FSTL5: variants seen among roughly 807,000 people sequenced by gnomAD.
The protein encoded by FSTL5 is follistatin-related protein 5.
FSTL5 carries 62 observed loss-of-function variants against 89.1 expected under a neutral mutation model. The observed-to-expected ratio is 0.70, with a 90% CI of 0.57 to 0.86. The LOEUF is 0.86. FSTL5 is among the 40% of genes least tolerant of loss of function. FSTL5 has a pLI of 0.00. For missense variants in FSTL5, 1,057 were observed against 1,001.6 expected, an observed-to-expected ratio of 1.06 and a Z score of -0.75; for synonymous variants, 383 against 346.2, an observed-to-expected ratio of 1.11 and a Z score of -1.18.
chr4:161,436,660 T>C (rs1324959050), intron 15 of FSTL5, among the ~76,000 whole-genome samples: 1 of 152,188 alleles, frequency 6.6e-6, no homozygotes, highest in African/African-American at 2.4e-5. Context: ...ACAGTATTCA[T>C]TAAAATGTAG....
intron 6 of FSTL5, among the ~76,000 whole-genome samples, chr4:161,704,005 C>A (rs1038481751): frequency 6.6e-6 from 1 of 152,116 alleles, no homozygotes; most frequent in Non-Finnish European, 1.5e-5. Context: ...TTAACAACCT[C>A]TTGTGAAATA....
chr4:161,822,611 C>G (rs1034753618), intron 4 of FSTL5, among the ~76,000 whole-genome samples: 6 of 152,194 alleles, frequency 3.9e-5, no homozygotes, highest in African/African-American at 4.8e-5. Flanking sequence ...GAGGGTGTCA[C>G]AGCCCTGGCC....
chr4:161,610,310 T>G (rs1472370651), intron 7 of FSTL5, among the ~76,000 whole-genome samples: 1 of 152,146 alleles, frequency 6.6e-6, no homozygotes, highest in Non-Finnish European at 1.5e-5. Context: ...ATCACAAAAC[T>G]GTAGTCTTTA....
chr4:161,838,423 CA>C (rs1226022019), intron 4 of FSTL5, among the ~76,000 whole-genome samples: 1 of 152,124 alleles, frequency 6.6e-6, no homozygotes, highest in African/African-American at 2.4e-5. Context: ...ACTGGGACTA[CA>C]GGCACCCACC....
intron 2 of FSTL5, among the ~76,000 whole-genome samples, chr4:162,103,488 C>T (rs1731084681): frequency 6.6e-6 from 1 of 152,170 alleles, no homozygotes; most frequent in Non-Finnish European, 1.5e-5. Context: ...CTCCATGGGT[C>T]TCTAATAATT....
At chr4:161,921,527 A>G (rs1733995532) in intron 3 of FSTL5, among the ~76,000 whole-genome samples, 1 of 152,158 alleles carries the variant, frequency 6.6e-6, no homozygotes, top group Non-Finnish European at 1.5e-5. Flanking sequence ...ATATGTATAC[A>G]CATGTATACA....
At chr4:162,034,540 G>T (rs1472839324) in intron 2 of FSTL5, among the ~76,000 whole-genome samples, 1 of 152,088 alleles carries the variant, frequency 6.6e-6, no homozygotes, top group Admixed American at 6.6e-5. Context: ...ATTAGTTACC[G>T]GGCAACCCCA....
Position 161,385,900 on chromosome 4 carries a change from GT to G in FSTL5, c.2390del (p.Asn797ThrfsTer14). On this transcript the variant is annotated frameshift_variant, in exon 16 of 16. Coordinates refer to ENST00000306100, the MANE Select transcript of FSTL5 (RefSeq NM_020116.5). LOFTEE classifies it high-confidence loss of function. ...ACAAGCCACTGTCCTGGATTTGCCTGTTTTTCCGGTTCCAAGGCCATTCTTC... is the reference window on the plus strand; with the variant it reads ...ACAAGCCACTGTCCTGGATTTGCCTGTTTTCCGGTTCCAAGGCCATTCTTC... ...KAEEWPWNRK[N>X]RQIQDSGLFG... The G allele has an allele frequency of 6.2e-7, 1 of 1,613,888 alleles. No homozygotes were observed. The highest frequency in any genetic ancestry group is 1.1e-5 in the South Asian group (1 of 91,064).
chr4:162,052,156 A>G (rs756954555), intron 2 of FSTL5, among the ~76,000 whole-genome samples: 21 of 151,796 alleles, frequency 1.4e-4, no homozygotes, highest in South Asian at 2.1e-4. Context: ...TTACATTCTA[A>G]TAAGTCTAGT....
At chr4:161,751,737 T>G (rs1230617183) in intron 6 of FSTL5, among the ~76,000 whole-genome samples, 1 of 151,498 alleles carries the variant, frequency 6.6e-6, no homozygotes, top group Non-Finnish European at 1.5e-5. Context: ...GCTATGATAG[T>G]GTCACTGCAC....
At chr4:161,395,793 C>T (rs1730976102) in intron 15 of FSTL5, among the ~76,000 whole-genome samples, 1 of 152,088 alleles carries the variant, frequency 6.6e-6, no homozygotes, top group Non-Finnish European at 1.5e-5. Flanking sequence ...CAGAAATATA[C>T]TACATGTATA....
intron 15 of FSTL5, among the ~76,000 whole-genome samples, chr4:161,435,297 C>T (rs954891975): frequency 1.3e-5 from 2 of 151,954 alleles, no homozygotes; most frequent in Non-Finnish European, 2.9e-5. Flanking sequence ...GAGGTCATTA[C>T]GTTAAGTGAA....
chr4:161,732,572 C>T (rs1482146328), intron 6 of FSTL5, among the ~76,000 whole-genome samples: 1 of 151,960 alleles, frequency 6.6e-6, no homozygotes, highest in Non-Finnish European at 1.5e-5. Context: ...TTAGCCAAAA[C>T]AAGGCATGCA....
chr4:161,970,393 G>A (rs1034279239), intron 3 of FSTL5, among the ~76,000 whole-genome samples: 2 of 152,040 alleles, frequency 1.3e-5, no homozygotes, highest in African/African-American at 4.8e-5. Flanking sequence ...AAGAGTTCAG[G>A]TCTAGGATGA....
intron 3 of FSTL5, among the ~76,000 whole-genome samples, chr4:161,951,338 T>C (rs1734888728): frequency 6.6e-6 from 1 of 152,106 alleles, no homozygotes; most frequent in Non-Finnish European, 1.5e-5. Flanking sequence ...CTTAACCCTA[T>C]TCTCTGGTGA....
chr4:161,699,421 C>G (rs2126728278), intron 6 of FSTL5, among the ~76,000 whole-genome samples: 1 of 152,242 alleles, frequency 6.6e-6, no homozygotes, highest in East Asian at 1.9e-4. Context: ...AGCCCAAAGA[C>G]AAGGCAAAAT....
At chr4:161,702,931 A>C (rs1315799259) in intron 6 of FSTL5, among the ~76,000 whole-genome samples, 1 of 152,128 alleles carries the variant, frequency 6.6e-6, no homozygotes. Flanking sequence ...GTATTTGGAC[A>C]AAAGGCTTTG....
intron 13 of FSTL5, among the ~76,000 whole-genome samples, chr4:161,461,322 A>G (rs1049234403): frequency 6.8e-6 from 1 of 147,298 alleles, no homozygotes; most frequent in East Asian, 2.0e-4. Flanking sequence ...ATTAGCCAGG[A>G]GCTGTGGCGG....
intron 3 of FSTL5, among the ~76,000 whole-genome samples, chr4:161,984,929 T>C (rs1273430089): frequency 6.6e-6 from 1 of 152,042 alleles, no homozygotes; most frequent in Non-Finnish European, 1.5e-5. Context: ...GTCTTATGTC[T>C]TGCTCTCTCT....
Sources: gnomAD v4.1 joint callset for allele counts (sites outside exome capture counted in the v4.1 genomes callset) on GRCh38, gnomAD v4.1.1 for gene constraint, MANE v1.5 for transcripts, NCBI Gene and HGNC (gene_info 2026-07-23, HGNC 2026-07-21) for gene names.